The following ADAMTS3 variants were observed in gnomAD, a reference collection of about 807,000 sequenced individuals.
ADAMTS3 encodes the protein A disintegrin and metalloproteinase with thrombospondin motifs 3.
ADAMTS3 carries 73 observed loss-of-function variants against 129.0 expected under a neutral mutation model. The ratio of observed to expected loss-of-function variants is 0.57; its 90% confidence interval spans 0.47 to 0.69. ADAMTS3 has a LOEUF of 0.69. Ranked by LOEUF, ADAMTS3 falls within the 30% of genes least tolerant of loss-of-function variation. The pLI is 0.00. For missense variants in ADAMTS3, 1,457 were observed against 1,514.5 expected (o/e 0.96, Z 0.63); for synonymous variants, 477 against 510.8 (o/e 0.93, Z 0.89).
chr4:72,556,526 A>C (rs1227691839), intron 2 of ADAMTS3, among the ~76,000 whole-genome samples: 1 of 151,784 alleles, frequency 6.6e-6, no homozygotes, highest in Non-Finnish European at 1.5e-5. Context: ...GGGTCTAATC[A>C]ATACCAAAGC....
At chr4:72,395,569 A>G (rs1721706202) in intron 4 of ADAMTS3, among the ~76,000 whole-genome samples, 2 of 152,246 alleles carry the variant, frequency 1.3e-5, no homozygotes, top group African/African-American at 2.4e-5. Context: ...GTTGGGAGCC[A>G]CTAAACATTT....
Position 72,318,707 on chromosome 4 carries a change from G to T in ADAMTS3, c.1353-3C>A. ...CATCAAGGAGACAGTCATAGGAACTGTAGGAAGAAAAATATTGCATGTAGT... is the reference window on the plus strand; with the variant it reads ...CATCAAGGAGACAGTCATAGGAACTTTAGGAAGAAAAATATTGCATGTAGT... On this transcript the variant is annotated splice_region_variant and splice_polypyrimidine_tract_variant and intron_variant, in intron 9 of 21. Coordinates refer to ENST00000286657, the MANE Select transcript of ADAMTS3 (RefSeq NM_014243.3). 6.2e-7 allele frequency: 1 copy of T among 1,608,538 alleles called. No homozygotes were observed. Among genetic ancestry groups the T allele is most frequent in the South Asian group, 1.1e-5 (1 of 89,522 alleles).
At chr4:72,379,437 G>T (rs1251130343) in intron 4 of ADAMTS3, among the ~76,000 whole-genome samples, 1 of 132,410 alleles carries the variant, frequency 7.6e-6, no homozygotes, top group East Asian at 2.3e-4. Context: ...TAAACAGTTT[G>T]AAAAAAAAAA....
intron 3 of ADAMTS3, among the ~76,000 whole-genome samples, chr4:72,525,740 C>T (rs1280167588): frequency 1.3e-5 from 2 of 152,180 alleles, no homozygotes; most frequent in African/African-American, 2.4e-5. Context: ...TGTCCTTTCT[C>T]CCATCCACTC....
chr4:72,511,756 G>A (rs949950964), intron 3 of ADAMTS3, among the ~76,000 whole-genome samples: 2 of 152,140 alleles, frequency 1.3e-5, no homozygotes, highest in African/African-American at 2.4e-5. Flanking sequence ...CAATCCTACA[G>A]CTGGGTATAT....
At position 72,490,790 on chromosome 4, in the gene ADAMTS3, C is replaced by T. The variant is rs72853036; in HGVS notation, c.504+57688G>A. ...CCTGATACCTCTAGCTTTATTCTTC[C>T]TGCTAAGTTTCTTTGGCTACTCAGG... On this transcript the variant is annotated intron_variant, in intron 3 of 21. Transcript: ENST00000286657. Among the ~76,000 whole-genome samples, 916 of 151,888 alleles carry T rather than the reference C, an allele frequency of 6.0e-3. 16 individuals carry two copies. The highest frequency in any genetic ancestry group is 0.021 in the African/African-American group (870 of 41,500).
At chr4:72,384,178 T>C (rs1422551905) in intron 4 of ADAMTS3, among the ~76,000 whole-genome samples, 1 of 152,094 alleles carries the variant, frequency 6.6e-6, no homozygotes, top group Non-Finnish European at 1.5e-5. Flanking sequence ...TGTGTAGCAA[T>C]ACCCAAAGGT....
At chr4:72,437,727 C>A (rs1717987095) in intron 3 of ADAMTS3, among the ~76,000 whole-genome samples, 1 of 151,680 alleles carries the variant, frequency 6.6e-6, no homozygotes, top group Non-Finnish European at 1.5e-5. Flanking sequence ...CTCTTCAAAG[C>A]CATGTGGCTT....
At chr4:72,464,089 C>T (rs987564708) in intron 3 of ADAMTS3, among the ~76,000 whole-genome samples, 2 of 152,068 alleles carry the variant, frequency 1.3e-5, no homozygotes, top group Non-Finnish European at 2.9e-5. Flanking sequence ...ACACTACCAC[C>T]TTTCACGGTT....
chr4:72,467,355 GTA>G (rs1052686341), intron 3 of ADAMTS3, among the ~76,000 whole-genome samples: 4 of 152,000 alleles, frequency 2.6e-5, no homozygotes, highest in Non-Finnish European at 1.5e-5. Context: ...ATCTATTGCA[GTA>G]TCTTCCAACT....
chr4:72,345,454 G>T (rs1198527283), intron 4 of ADAMTS3, among the ~76,000 whole-genome samples: 1 of 152,016 alleles, frequency 6.6e-6, no homozygotes, highest in Admixed American at 6.6e-5. Flanking sequence ...CTTCCTAAAA[G>T]GATACAGTAA....
At chr4:72,291,657 A>C (rs905283900) in intron 19 of ADAMTS3, among the ~76,000 whole-genome samples, 26 of 151,504 alleles carry the variant, frequency 1.7e-4, no homozygotes, top group African/African-American at 5.6e-4. Context: ...TCATTGTTGG[A>C]CATTTGGGTT....
chr4:72,303,397 A>G (rs1719002406), intron 17 of ADAMTS3, among the ~76,000 whole-genome samples: 1 of 152,122 alleles, frequency 6.6e-6, no homozygotes, highest in Non-Finnish European at 1.5e-5. Flanking sequence ...AAGGGAAAAC[A>G]GGGAATAAAA....
At chr4:72,324,454 T>TA (rs1323113560) in intron 5 of ADAMTS3, among the ~76,000 whole-genome samples, 1 of 152,030 alleles carries the variant, frequency 6.6e-6, no homozygotes, top group Non-Finnish European at 1.5e-5. Flanking sequence ...AAGGTGGAAG[T>TA]AAAAAATCTG....
intron 4 of ADAMTS3, among the ~76,000 whole-genome samples, chr4:72,398,542 T>C (rs1721787253): frequency 6.6e-6 from 1 of 152,152 alleles, no homozygotes; most frequent in South Asian, 2.1e-4. Flanking sequence ...GCCACTGCAC[T>C]CCAGCCTGGG....
intron 4 of ADAMTS3, among the ~76,000 whole-genome samples, chr4:72,397,289 G>C (rs971684755): frequency 3.9e-5 from 6 of 151,920 alleles, no homozygotes; most frequent in African/African-American, 1.5e-4. Flanking sequence ...ATATCAGCCG[G>C]GCGCAGTGGC....
At chr4:72,494,678 T>C (rs911420459) in intron 3 of ADAMTS3, among the ~76,000 whole-genome samples, 1 of 152,180 alleles carries the variant, frequency 6.6e-6, no homozygotes, top group Non-Finnish European at 1.5e-5. Context: ...ATCTGCACAT[T>C]TGAGGGAGCA....
intron 2 of ADAMTS3, among the ~76,000 whole-genome samples, chr4:72,557,070 C>T (rs897111928): frequency 1.3e-4 from 19 of 151,924 alleles, no homozygotes; most frequent in East Asian, 9.6e-4. Context: ...TGGTTAACTA[C>T]GATGAAGTGG....
At chr4:72,417,581 A>G (rs1722335827) in intron 3 of ADAMTS3, among the ~76,000 whole-genome samples, 1 of 152,142 alleles carries the variant, frequency 6.6e-6, no homozygotes, top group Non-Finnish European at 1.5e-5. Flanking sequence ...CCATGGACCC[A>G]AAATCTGAAA....
Sources: allele counts gnomAD v4.1 joint callset (sites outside exome capture counted in the v4.1 genomes callset), GRCh38; gene constraint gnomAD v4.1.1; transcripts MANE v1.5; gene names NCBI Gene and HGNC (gene_info 2026-07-23, HGNC 2026-07-21).